Variants in GPC6 observed in about 807,000 individuals in gnomAD.
The protein encoded by GPC6 is glypican 6.
GPC6 carries 14 observed loss-of-function variants against 55.2 expected under a neutral mutation model. The observed-to-expected ratio is 0.25, with a 90% confidence interval of 0.17 to 0.40. The LOEUF is 0.40. Ranked by LOEUF, GPC6 falls within the 10% of genes least tolerant of loss-of-function variation. GPC6 has a pLI of 1.00. For missense variants in GPC6, 641 were observed against 708.5 expected, an observed-to-expected ratio of 0.90 and a Z score of 1.08; for synonymous variants, 278 against 259.6, an observed-to-expected ratio of 1.07 and a Z score of -0.68.
At chr13:93,628,172 G>T (rs984777013) in intron 2 of GPC6, among the ~76,000 whole-genome samples, 1 of 152,130 alleles carries the variant, frequency 6.6e-6, no homozygotes, top group African/African-American at 2.4e-5. Context: ...CAAAGAAAAT[G>T]GAAGTGCCTT....
intron 1 of GPC6, among the ~76,000 whole-genome samples, chr13:93,386,599 A>T (rs986813737): frequency 4.6e-5 from 7 of 152,202 alleles, no homozygotes; most frequent in Non-Finnish European, 8.8e-5. Context: ...GGCATAAGAG[A>T]GAGAAAATGT....
At chr13:94,059,397 C>A (rs939054317) in intron 4 of GPC6, among the ~76,000 whole-genome samples, 3 of 152,008 alleles carry the variant, frequency 2.0e-5, no homozygotes, top group African/African-American at 7.2e-5. Context: ...CGTTTACCCT[C>A]CTGCAGCCCC....
intron 1 of GPC6, among the ~76,000 whole-genome samples, chr13:93,240,573 T>C (rs1429405360): frequency 6.6e-6 from 1 of 152,082 alleles, no homozygotes; most frequent in Admixed American, 6.5e-5. Flanking sequence ...TATACTTAGA[T>C]TGTGCTTATT....
intron 4 of GPC6, among the ~76,000 whole-genome samples, chr13:94,157,126 C>T (rs1482143027): frequency 6.6e-6 from 1 of 152,148 alleles, no homozygotes; most frequent in African/African-American, 2.4e-5. Flanking sequence ...TCTGAAGCTC[C>T]GTTCTGCCCC....
chr13:94,341,521 G>T lies in GPC6; in HGVS notation c.1152+35398G>T, dbSNP rs1278101031. ...GAATTGCTTAACCGGGGAGGTGGAG[G>T]TTGCCGTGAGACGAGATCACACCAC... On this transcript the variant is annotated intron_variant, in intron 6 of 8. Transcript: ENST00000377047. Among the ~76,000 whole-genome samples, 5 of 150,172 alleles carry T rather than the reference G, an allele frequency of 3.3e-5. No homozygotes were observed. The Admixed American group carries it at 3.4e-4, about 10-fold the overall frequency.
chr13:93,635,144 T>C, intron 2 of GPC6, among the ~76,000 whole-genome samples: 1 of 152,244 alleles, frequency 6.6e-6, no homozygotes, highest in East Asian at 1.9e-4. Context: ...ATACAGCTTT[T>C]TTTTTTTTAC....
At chr13:94,031,911 T>C (rs1014954965) in intron 4 of GPC6, among the ~76,000 whole-genome samples, 1 of 151,362 alleles carries the variant, frequency 6.6e-6, no homozygotes, top group Non-Finnish European at 1.5e-5. Context: ...ATCTTACATC[T>C]ACTTTAAAAT....
Position 93,513,051 on chromosome 13 carries a change from C to G in GPC6, c.161-32212C>G, listed in dbSNP as rs1217076206. Among the ~76,000 whole-genome samples, 3 of 152,122 alleles carry G rather than the reference C, an allele frequency of 2.0e-5. No homozygotes were observed. The South Asian group carries it at 6.2e-4, about 31-fold the overall frequency. On this transcript the variant is annotated intron_variant, in intron 1 of 8. Coordinates refer to ENST00000377047, the MANE Select transcript of GPC6 (RefSeq NM_005708.5). ...TGCTAGGAGGACTTGACTTTGTTAG[C>G]TATTGTCCTTGAAAAACTGAGCCAT... is the stretch of plus-strand genomic sequence containing the variant.
At chr13:94,388,754 G>A (rs1331668367) in intron 7 of GPC6, among the ~76,000 whole-genome samples, 2 of 152,178 alleles carry the variant, frequency 1.3e-5, no homozygotes, top group African/African-American at 4.8e-5. Context: ...GAGACAGAGA[G>A]TCCTGGTTCC....
intron 4 of GPC6, among the ~76,000 whole-genome samples, chr13:94,105,192 A>C (rs1035710771): frequency 2.0e-5 from 3 of 152,110 alleles, no homozygotes; most frequent in African/African-American, 7.2e-5. Context: ...CCGTATCTAC[A>C]AAAAATAAAT....
At chr13:94,174,033 T>C (rs187618459) in intron 4 of GPC6, among the ~76,000 whole-genome samples, 2 of 152,284 alleles carry the variant, frequency 1.3e-5, no homozygotes, top group Admixed American at 6.5e-5. Flanking sequence ...TTTTTGCTAA[T>C]AAAAGAGGCT....
chr13:93,898,120 T>C (rs1248427541), intron 3 of GPC6, among the ~76,000 whole-genome samples: 4 of 152,104 alleles, frequency 2.6e-5, no homozygotes, highest in African/African-American at 9.7e-5. Context: ...ATTGAAGCAA[T>C]TATGTGAATA....
chr13:93,219,980 A>G, the GPC6 span, among the ~76,000 whole-genome samples: 5 of 152,226 alleles, frequency 3.3e-5, no homozygotes, highest in Non-Finnish European at 1.5e-5. Context: ...TGCATAGAAA[A>G]CAGTTACAAG....
At chr13:93,552,952 C>T (rs1875238180) in intron 2 of GPC6, among the ~76,000 whole-genome samples, 1 of 152,112 alleles carries the variant, frequency 6.6e-6, no homozygotes, top group African/African-American at 2.4e-5. Context: ...TAATGAAAAT[C>T]AAGAAAAAAT....
At chr13:93,326,622 A>G (rs1009155943) in intron 1 of GPC6, among the ~76,000 whole-genome samples, 5 of 152,212 alleles carry the variant, frequency 3.3e-5, no homozygotes, top group African/African-American at 1.2e-4. Context: ...GGTCATCTGG[A>G]AAATATTTCT....
At chr13:93,821,498 T>C (rs2138966154) in intron 2 of GPC6, among the ~76,000 whole-genome samples, 1 of 152,256 alleles carries the variant, frequency 6.6e-6, no homozygotes, top group African/African-American at 2.4e-5. Context: ...GATGCACAGT[T>C]CAGGCGCACA....
intron 1 of GPC6, among the ~76,000 whole-genome samples, chr13:93,429,265 C>T (rs1877264327): frequency 6.9e-6 from 1 of 145,270 alleles, no homozygotes; most frequent in African/African-American, 2.5e-5. Context: ...TTCTTAGAGC[C>T]TCCTCAAAAG....
chr13:93,944,436 C>T (rs1566615837), intron 3 of GPC6, among the ~76,000 whole-genome samples: 4 of 152,096 alleles, frequency 2.6e-5, no homozygotes, highest in Admixed American at 2.0e-4. Flanking sequence ...GATCTCCTGA[C>T]TTTGTGATCC....
intron 1 of GPC6, among the ~76,000 whole-genome samples, chr13:93,386,047 C>T (rs993479463): frequency 2.0e-5 from 3 of 148,972 alleles, no homozygotes; most frequent in African/African-American, 5.0e-5. Context: ...AAACATAGAG[C>T]ACCCTCACTG....
Sources: allele counts gnomAD v4.1 joint callset (sites outside exome capture counted in the v4.1 genomes callset), GRCh38; gene constraint gnomAD v4.1.1; transcripts MANE v1.5; gene names NCBI Gene and HGNC (gene_info 2026-07-23, HGNC 2026-07-21).